The following ANKMY1 variants were observed in gnomAD, a reference collection of about 807,000 sequenced individuals.
The protein encoded by ANKMY1 is ankyrin repeat and MYND domain containing 1.
Under a neutral mutation model 102.0 loss-of-function variants are expected in ANKMY1, and 98 were observed. The observed-to-expected ratio is 0.96, with a 90% CI of 0.82 to 1.14. ANKMY1 has a LOEUF of 1.14. Ranked by LOEUF, ANKMY1 falls within the 50% of genes most tolerant of loss-of-function variation. ANKMY1 has a pLI of 0.00. For missense variants in ANKMY1, 1,330 were observed against 1,347.6 expected, an observed-to-expected ratio of 0.99 and a Z score of 0.20; for synonymous variants, 582 against 559.9, an observed-to-expected ratio of 1.04 and a Z score of -0.56.
rs927547073 is a variant in ANKMY1 at position 240,526,445 on chromosome 2, C to T, written c.954G>A (p.Arg318=). The part of the protein sequence containing the change: ...VKIQKQTYKF[R]NKPAHTSWNM... ...TCCAGCTGGTGTGAGCTGGCTTGTTCCTGGCAACACAACAAGTTTCAGTGG... is the reference window on the plus strand; with the variant it reads ...TCCAGCTGGTGTGAGCTGGCTTGTTTCTGGCAACACAACAAGTTTCAGTGG... The change falls in exon 6 of 18, where the codon AGG becomes AGA. Residue 318 remains arginine, a splice_region_variant and synonymous_variant. Coordinates refer to ENST00000401804, the MANE Select transcript of ANKMY1 (RefSeq NM_001282771.3). 3.1e-6 allele frequency: 5 copies of T among 1,613,928 alleles called. No homozygotes were observed. The highest frequency in any genetic ancestry group is 4.2e-6 in the Non-Finnish European group (5 of 1,180,030).
the ANKMY1 span, among the ~76,000 whole-genome samples, chr2:240,468,666 C>T: frequency 1.3e-5 from 2 of 152,336 alleles, no homozygotes; most frequent in South Asian, 4.1e-4. Context: ...TTGAGAATTG[C>T]AGCCAGTACA....
intron 2 of ANKMY1, 78 bp downstream of exon 2, chr2:240,557,112 G>C (rs552038462): frequency 2.2e-6 from 3 of 1,360,848 alleles, no homozygotes; most frequent in East Asian, 2.7e-5. Context: ...GATTTTTACT[G>C]CTTGCCTTAA....
At chr2:240,528,900 C>T in intron 5 of ANKMY1, 137 bp downstream of exon 5, 1 of 794,582 alleles carries the variant, frequency 1.3e-6, no homozygotes, top group South Asian at 1.7e-5. Flanking sequence ...CCACATCAGT[C>T]ACTTAATGGG....
intron 9 of ANKMY1, among the ~76,000 whole-genome samples, chr2:240,517,282 T>C (rs1364934380): frequency 6.6e-6 from 1 of 152,210 alleles, no homozygotes; most frequent in Non-Finnish European, 1.5e-5. Flanking sequence ...TCATACCTTG[T>C]CTATGCAATT....
At position 240,479,691 on chromosome 2, in the gene ANKMY1, G is replaced by A. The variant is rs778198869; in HGVS notation, c.3047-36C>T. ...AAAAGGTGTGGGGGAGGGGGAAGAG[G>A]GGGCTGGAGCTGGCCTCCCCCGAGG... On this transcript the variant is annotated intron_variant, in intron 17 of 17. Transcript: ENST00000401804. 8.7e-6 allele frequency: 14 copies of A among 1,605,672 alleles called. 1 individual carries two copies. In the South Asian group the frequency reaches 1.4e-4, roughly 16 times the overall value.
chr2:240,550,720 T>C (rs562100138), intron 4 of ANKMY1, among the ~76,000 whole-genome samples: 5 of 152,298 alleles, frequency 3.3e-5, no homozygotes, highest in African/African-American at 1.2e-4. Context: ...GTTATTAATA[T>C]GTGTTCCAGG....
At chr2:240,522,497 G>A (rs1451751155) in intron 8 of ANKMY1, 1 of 152,254 alleles carries the variant, frequency 6.6e-6, no homozygotes, top group Non-Finnish European at 1.5e-5. Flanking sequence ...CTGGACGAAG[G>A]AGTATTTGAG....
intron 17 of ANKMY1, among the ~76,000 whole-genome samples, chr2:240,479,901 C>T (rs962525424): frequency 2.6e-5 from 4 of 152,160 alleles, no homozygotes; most frequent in African/African-American, 9.7e-5. Flanking sequence ...GCGACCTCAC[C>T]GAGGGCGCCT....
intron 4 of ANKMY1, among the ~76,000 whole-genome samples, chr2:240,538,565 C>T (rs1197548369): frequency 2.0e-5 from 3 of 152,310 alleles, no homozygotes; most frequent in African/African-American, 7.2e-5. Context: ...GCGCCCCCAC[C>T]TCCTGCACTG....
chr2:240,491,376 G>A (rs57155438), intron 15 of ANKMY1, among the ~76,000 whole-genome samples: 44,201 of 151,982 alleles, frequency 0.29, 6,673 homozygotes, highest in Non-Finnish European at 0.32. Context: ...CTTTGTTCCC[G>A]TCATGTTGTT....
rs1198681646 is a variant in ANKMY1 at position 240,557,979 on chromosome 2, C to A, written c.-116G>T. The A allele has an allele frequency of 2.2e-5, 22 of 985,522 alleles. No homozygotes were observed. Among genetic ancestry groups the A allele is most frequent in the Non-Finnish European group, 2.5e-5 (21 of 830,070 alleles). 61.0% of individuals were successfully genotyped at this position (985,522 alleles called of 1,614,324 possible). ...CTCCCGTCCCGACTGCTTGCCAGCC[C>A]TGCGCCTACGGAGAGCGTCGCGTTT... On this transcript the variant is annotated 5_prime_UTR_variant, in exon 1 of 18. The change creates a new upstream start codon in the 5' untranslated region. Transcript: ENST00000401804.
chr2:240,526,358 T>C lies in ANKMY1; in HGVS notation c.1041A>G (p.Gln347=), dbSNP rs573831034. 3.0e-5 allele frequency: 48 copies of C among 1,614,230 alleles called. No individual in the cohort carries two copies. Among genetic ancestry groups the C allele is most frequent in the South Asian group, 2.7e-4 (25 of 91,088 alleles). The stretch of plus-strand genomic sequence containing the variant: ...CCTTTAGGATCATCTCCATGGAAAG[T>C]TGCTCTTTGGGCCCACAGGGTGCAA... ...SGFAPCGPKE[Q]LSMEMILKAE... The change falls in exon 6 of 18, where the codon CAA becomes CAG. Residue 347 remains glutamine (Q), a synonymous_variant. Transcript: ENST00000401804.
chr2:240,496,650 C>G (rs1174279043), intron 15 of ANKMY1, among the ~76,000 whole-genome samples: 5 of 152,182 alleles, frequency 3.3e-5, no homozygotes, highest in Non-Finnish European at 7.3e-5. Context: ...TGGAAGGCAG[C>G]CTTGGGTTTG....
At chr2:240,480,747 A>C (rs978807059) in intron 17 of ANKMY1, among the ~76,000 whole-genome samples, 190 bp downstream of exon 17, 1 of 152,204 alleles carries the variant, frequency 6.6e-6, no homozygotes, top group Admixed American at 6.5e-5. Context: ...ACAGTAGGTG[A>C]GGAAGAGCCA....
intron 2 of ANKMY1, among the ~76,000 whole-genome samples, chr2:240,555,915 AC>A (rs1194995954): frequency 6.6e-6 from 1 of 151,588 alleles, no homozygotes; most frequent in Non-Finnish European, 1.5e-5. Flanking sequence ...AGCATCTGAG[AC>A]CCCCACAGAT....
chr2:240,471,531 G>T, the ANKMY1 span, among the ~76,000 whole-genome samples: 4 of 152,154 alleles, frequency 2.6e-5, no homozygotes, highest in African/African-American at 9.7e-5. Flanking sequence ...TTATCAAAGC[G>T]AAAAGGGGGA....
chr2:240,481,516 ACT>A (rs1253861632), intron 16 of ANKMY1, among the ~76,000 whole-genome samples: 1 of 151,362 alleles, frequency 6.6e-6, no homozygotes, highest in Non-Finnish European at 1.5e-5. Flanking sequence ...TTGGGGTGAA[ACT>A]CTAAGCACCA....
chr2:240,547,455 A>G (rs546796103), intron 4 of ANKMY1, among the ~76,000 whole-genome samples: 287 of 148,846 alleles, frequency 1.9e-3, no homozygotes, highest in African/African-American at 6.9e-3. Flanking sequence ...TAAAAGAACT[A>G]GAAAAGCAAG....
At chr2:240,496,723 G>C (rs2077317396) in intron 15 of ANKMY1, among the ~76,000 whole-genome samples, 1 of 152,178 alleles carries the variant, frequency 6.6e-6, no homozygotes, top group Non-Finnish European at 1.5e-5. Context: ...CTCCTTCCAT[G>C]ACCAAACGCT....
Sources: allele counts gnomAD v4.1 joint callset (sites outside exome capture counted in the v4.1 genomes callset), GRCh38; gene constraint gnomAD v4.1.1; transcripts MANE v1.5; gene names NCBI Gene and HGNC (gene_info 2026-07-23, HGNC 2026-07-21).